MPO: variants seen among roughly 807,000 people sequenced by gnomAD.
MPO encodes the protein myeloperoxidase.
Under a neutral mutation model 69.4 loss-of-function variants are expected in MPO, and 57 were observed. That is an observed-to-expected ratio of 0.82 (90% CI 0.66 to 1.02). The LOEUF (loss-of-function observed/expected upper bound fraction) is 1.02, where lower values mean the gene tolerates loss of function less well. MPO is among the 50% of genes least tolerant of loss of function. MPO has a pLI of 0.00. For synonymous variants in MPO, 426 were observed against 417.1 expected, an observed-to-expected ratio of 1.02 and a Z score of -0.26; for missense variants, 971 against 1,014.1, an observed-to-expected ratio of 0.96 and a Z score of 0.58.
intron 10 of MPO, 42 bp downstream of exon 10, chr17:58,272,706 C>T: frequency 6.2e-7 from 1 of 1,603,494 alleles, no homozygotes; most frequent in South Asian, 1.1e-5. Flanking sequence ...GGAGGCAGCT[C>T]AGGGGAGGTG....
intron 7 of MPO, among the ~76,000 whole-genome samples, chr17:58,277,109 GA>G (rs952941226): frequency 6.9e-4 from 97 of 139,788 alleles, no homozygotes; most frequent in East Asian, 1.4e-3. Flanking sequence ...TTCCGTCTTA[GA>G]AAAAAAAAAA....
rs756231547 is a variant in MPO, at chr17:58,273,620, A to C, written c.1415T>G (p.Met472Arg). ...ACGGTACGTGGGCAGGTACTTCCTCATGGCCGTTGGCCCCAGCACCAGGGG... is the reference window on the plus strand; with the variant it reads ...ACGGTACGTGGGCAGGTACTTCCTCCTGGCCGTTGGCCCCAGCACCAGGGG... Reference protein sequence around the residue: ...YLPLVLGPTAMRKYLPTYRSY... With the variant: ...YLPLVLGPTARRKYLPTYRSY... Residue 472 changes from methionine (M) to arginine (R), a missense_variant, in exon 9 of 12, where the codon ATG (methionine) becomes AGG (arginine). Physicochemically the swap from Met to Arg is moderately conservative, Grantham distance 91. Transcript: ENST00000225275. 1 of 1,614,214 alleles carries C rather than the reference A, an allele frequency of 6.2e-7. No homozygotes were observed.
Position 58,275,735 on chromosome 17 carries a change from G to A in MPO, c.1205-33C>T, listed in dbSNP as rs1206321185. The A allele has an allele frequency of 1.9e-6, 3 of 1,613,502 alleles. No individual in the cohort carries two copies. The highest frequency in any genetic ancestry group is 1.7e-5 in the Admixed American group (1 of 59,938). The stretch of plus-strand genomic sequence containing the variant: ...AGGCAAAAGCCACTGTCATTCTTAA[G>A]GCCTCCATCCCAGAAAAGATTTGCT... On this transcript the variant is annotated intron_variant, in intron 7 of 11. Coordinates refer to ENST00000225275, the MANE Select transcript of MPO (RefSeq NM_000250.2). The surrounding 1 kb of genome is among the most constrained non-coding windows in gnomAD (Gnocchi z 4.1).
At position 58,270,192 on chromosome 17, in the gene MPO, A is replaced by G; in HGVS notation, c.*464T>C. The G allele has an allele frequency of 3.4e-6, 1 of 297,134 alleles. No individual in the cohort carries two copies. The highest frequency in any genetic ancestry group is 6.6e-6 in the Non-Finnish European group (1 of 152,344). 18.4% of individuals were successfully genotyped at this position (297,134 alleles called of 1,614,324 possible). A position where few individuals can be genotyped will look rare whatever the true frequency, so the allele number is the denominator to read the frequency against. ...GCATGTAGTAGGTGCTCAATAAATG[A>G]AGAACCAGAGGATACAAGTGGGCCC... On this transcript the variant is annotated 3_prime_UTR_variant, in exon 12 of 12. Transcript: ENST00000225275. The surrounding 1 kb of genome is among the most constrained non-coding windows in gnomAD (Gnocchi z 4.1).
At chr17:58,278,852 G>A (rs1970473389) in intron 6 of MPO, 156 bp downstream of exon 6, 1 of 931,656 alleles carries the variant, frequency 1.1e-6, no homozygotes, top group East Asian at 2.6e-5. Flanking sequence ...AAGGAGACAG[G>A]TCATAGCTGA....
chr17:58,273,030 G>T, intron 9 of MPO, 112 bp from the exon 10 acceptor site: 2 of 1,371,638 alleles, frequency 1.5e-6, no homozygotes, highest in Non-Finnish European at 2.0e-6. Context: ...AGAGGGCTGG[G>T]CACAAGCAGT....
Position 58,280,872 on chromosome 17 carries a change from C to G in MPO, c.-114G>C. ...GGGAGGGGCTCACTGCTCTCTTATCCCCTTGCCAGCTGCTGTCATCCAGCT... is the reference window on the plus strand; with the variant it reads ...GGGAGGGGCTCACTGCTCTCTTATCGCCTTGCCAGCTGCTGTCATCCAGCT... On this transcript the variant is annotated 5_prime_UTR_variant, in exon 1 of 12. Transcript: ENST00000225275. 1 of 1,272,776 alleles carries G rather than the reference C, an allele frequency of 7.9e-7. No individual in the cohort carries two copies. The highest frequency in any genetic ancestry group is 1.4e-5 in the South Asian group (1 of 71,608). 78.8% of individuals were successfully genotyped at this position (1,272,776 alleles called of 1,614,324 possible).
intron 6 of MPO, 167 bp downstream of exon 6, chr17:58,278,841 G>A (rs1214136036): frequency 2.4e-6 from 2 of 848,554 alleles, no homozygotes; most frequent in Non-Finnish European, 3.7e-6. Context: ...CCAGGCGCAG[G>A]AAGGAGACAG....
chr17:58,278,886 G>T (rs147111089), intron 6 of MPO, 122 bp downstream of exon 6: 55 of 1,172,890 alleles, frequency 4.7e-5, no homozygotes, highest in Non-Finnish European at 6.5e-5. Flanking sequence ...TGGACACAAG[G>T]GAGGCAGGGC....
intron 6 of MPO, among the ~76,000 whole-genome samples, 178 bp from the exon 7 acceptor site, chr17:58,278,323 T>C (rs1435011401): frequency 6.6e-6 from 1 of 151,814 alleles, no homozygotes; most frequent in African/African-American, 2.4e-5. Context: ...AGGTGCAGGG[T>C]TAATGAGCAG....
rs768429737 is a variant in MPO at position 58,273,570 on chromosome 17, G to A, written c.1465C>T (p.Arg489Cys). Residue 489 changes from arginine to cysteine, a missense_variant, in exon 9 of 12, where the codon CGC becomes TGC. Physicochemically the swap from Arg to Cys is radical, Grantham distance 180. Coordinates refer to ENST00000225275, the MANE Select transcript of MPO (RefSeq NM_000250.2). ...YRSYNDSVDP[R>C]IANVFTNAFR... ...GCATTGGTGAAGACGTTGGCGATGCGTGGGTCCACTGAGTCATTGTAGGAA... is the reference window on the plus strand; with the variant it reads ...GCATTGGTGAAGACGTTGGCGATGCATGGGTCCACTGAGTCATTGTAGGAA... 23 of 1,614,106 alleles carry A rather than the reference G, an allele frequency of 1.4e-5. No individual in the cohort carries two copies. The highest frequency in any genetic ancestry group is 2.2e-5 in the South Asian group (2 of 91,092).
At chr17:58,271,307 G>A (rs965398326) in intron 11 of MPO, among the ~76,000 whole-genome samples, 2 of 152,186 alleles carry the variant, frequency 1.3e-5, no homozygotes, top group African/African-American at 2.4e-5. Flanking sequence ...TCAGGACCAC[G>A]AGGAAATGAC....
chr17:58,276,640 A>AG (rs1970441851), intron 7 of MPO, among the ~76,000 whole-genome samples: 1 of 152,148 alleles, frequency 6.6e-6, no homozygotes, highest in Admixed American at 6.5e-5. Flanking sequence ...CTGGCTAAGG[A>AG]GGGCTGCCCT....
At chr17:58,276,192 C>T (rs1481046747) in intron 7 of MPO, among the ~76,000 whole-genome samples, 1 of 152,158 alleles carries the variant, frequency 6.6e-6, no homozygotes, top group Non-Finnish European at 1.5e-5. Context: ...TACATCCATG[C>T]CCATGTCTGA....
Position 58,279,993 on chromosome 17 carries a change from G to A in MPO, c.270C>T (p.Ser90=), listed in dbSNP as rs963340586. 3 of 1,613,206 alleles carry A rather than the reference G, an allele frequency of 1.9e-6. No homozygotes were observed. The highest frequency in any genetic ancestry group is 2.7e-5 in the African/African-American group (2 of 74,888). ...GGAGTTCCATGGGGCTGGCTGAGCCGCTGCGAAGCCGCTGCTTGATGCTGC... is the reference window on the plus strand; with the variant it reads ...GGAGTTCCATGGGGCTGGCTGAGCCACTGCGAAGCCGCTGCTTGATGCTGC... The part of the protein sequence containing the change: ...RRESIKQRLR[S]GSASPMELLS... The change falls in exon 3 of 12, where the codon AGC becomes AGT. Residue 90 remains serine (S), a synonymous_variant. Coordinates refer to ENST00000225275, the MANE Select transcript of MPO (RefSeq NM_000250.2).
chr17:58,273,568 G>T lies in MPO; in HGVS notation c.1467C>A (p.Arg489=), dbSNP rs774997994. The change falls in exon 9 of 12, where the codon CGC becomes CGA. Residue 489 remains arginine (R), a synonymous_variant. Transcript: ENST00000225275. ...YRSYNDSVDP[R]IANVFTNAFR... ...AGGCATTGGTGAAGACGTTGGCGAT[G>T]CGTGGGTCCACTGAGTCATTGTAGG... 1 of 1,614,260 alleles carries T rather than the reference G, an allele frequency of 6.2e-7. No individual in the cohort carries two copies.
At position 58,279,863 on chromosome 17, in the gene MPO, A is replaced by C. The variant is rs1419517654; in HGVS notation, c.400T>G (p.Trp134Gly). 6.2e-7 allele frequency: 1 copy of C among 1,614,096 alleles called. No individual in the cohort carries two copies. Among genetic ancestry groups the C allele is most frequent in the Middle Eastern group, 1.6e-4 (1 of 6,062 alleles). ...DLLERKLRSL[W>G]RRPFNVTDVL... ...CCAGTGACATTGAATGGCCTTCGCC[A>C]CAGGGACCGCAGCTTCCTCTCCAGC... The change falls in exon 3 of 12, where the codon TGG (tryptophan) becomes GGG (glycine). Residue 134 changes from tryptophan to glycine, a missense_variant. Transcript: ENST00000225275.
rs1376007332 is a variant in MPO, at chr17:58,272,908, G to A, written c.1632C>T (p.Asp544=). 6.2e-7 allele frequency: 1 copy of A among 1,614,090 alleles called. No homozygotes were observed. The highest frequency in any genetic ancestry group is 1.3e-5 in the African/African-American group (1 of 75,038). The change falls in exon 10 of 12, where the codon GAC becomes GAT. Residue 544 remains aspartate, a synonymous_variant. Coordinates refer to ENST00000225275, the MANE Select transcript of MPO (RefSeq NM_000250.2). ...TGGCCATGAGGCCCCGGAGGATGGGGTCAATGCCACCTGGGGACCAGAGGA... is the reference window on the plus strand; with the variant it reads ...TGGCCATGAGGCCCCGGAGGATGGGATCAATGCCACCTGGGGACCAGAGGA... The part of the protein sequence containing the change: ...SWRVVLEGGI[D]PILRGLMATP...
chr17:58,279,332 G>GCGTC lies in MPO; in HGVS notation c.639_642dup (p.Pro215AspfsTer27). 1 of 1,573,698 alleles carries GCGTC rather than the reference G, an allele frequency of 6.4e-7. No individual in the cohort carries two copies. Among genetic ancestry groups the GCGTC allele is most frequent in the Non-Finnish European group, 8.6e-7 (1 of 1,159,834 alleles). On this transcript the variant is annotated frameshift_variant, in exon 5 of 12. Coordinates refer to ENST00000225275, the MANE Select transcript of MPO (RefSeq NM_000250.2). LOFTEE classifies it high-confidence loss of function. ...GGGAAGCCGTTGCGCTTGACCCCGG[G>GCGTC]CGTCCAGCCGTAGGGAAGAGAGAAG...
Sources: gnomAD v4.1 joint callset for allele counts (sites outside exome capture counted in the v4.1 genomes callset) on GRCh38, gnomAD v4.1.1 for gene constraint, Gnocchi (gnomAD v3.1) non-coding constraint, MANE v1.5 for transcripts, NCBI Gene and HGNC (gene_info 2026-07-23, HGNC 2026-07-21) for gene names.